ZRANB3: variants seen among roughly 807,000 people sequenced by gnomAD.
ZRANB3 encodes the protein DNA annealing helicase and endonuclease ZRANB3.
In ZRANB3, 125 loss-of-function variants were observed where a neutral mutation model predicts 133.8. That is an observed-to-expected ratio of 0.93 (90% CI 0.81 to 1.08). The LOEUF (loss-of-function observed/expected upper bound fraction) is 1.08, where lower values mean the gene tolerates loss of function less well. Ranked by LOEUF, ZRANB3 falls within the 50% of genes least tolerant of loss-of-function variation. The probability of loss-of-function intolerance (pLI) is 0.00; values close to 1 mark genes in which losing one functional copy is unlikely to be tolerated. For missense variants in ZRANB3, 1,229 were observed against 1,275.5 expected (o/e 0.96, Z 0.56); for synonymous variants, 387 against 432.7 (o/e 0.89, Z 1.31).
intron 14 of ZRANB3, among the ~76,000 whole-genome samples, chr2:135,226,139 CT>C (rs1694753309): frequency 6.6e-6 from 1 of 152,194 alleles, no homozygotes; most frequent in African/African-American, 2.4e-5. Context: ...ATAAAAATAA[CT>C]GTAACAACAA....
chr2:135,297,775 T>A (rs1174076200), intron 8 of ZRANB3, among the ~76,000 whole-genome samples: 1 of 152,254 alleles, frequency 6.6e-6, no homozygotes, highest in Non-Finnish European at 1.5e-5. Context: ...GTCTTCGATC[T>A]CTGAAGTTCT....
At chr2:135,494,527 A>G (rs1425505389) in intron 2 of ZRANB3, among the ~76,000 whole-genome samples, 4 of 152,166 alleles carry the variant, frequency 2.6e-5, no homozygotes, top group East Asian at 1.9e-4. Flanking sequence ...AAAATCAGAG[A>G]AGGAGCAGCA....
At chr2:135,273,826 C>G (rs544912433) in intron 9 of ZRANB3, among the ~76,000 whole-genome samples, 2 of 152,154 alleles carry the variant, frequency 1.3e-5, no homozygotes, top group East Asian at 3.9e-4. Context: ...TGTGAGCCAC[C>G]GCACCTGGCC....
intron 8 of ZRANB3, among the ~76,000 whole-genome samples, chr2:135,288,873 CGTGTGTGTGTGTGTGT>C (rs57200280): frequency 1.1e-4 from 16 of 141,294 alleles, no homozygotes; most frequent in African/African-American, 3.4e-4. Context: ...CTTCATTTAT[CGTGTGTGTGTGTGTGT>C]GTGTGTGTGT....
At position 135,494,323 on chromosome 2, in the gene ZRANB3, AG is replaced by A. The variant is rs772572632; in HGVS notation, c.161+10005del. Among the ~76,000 whole-genome samples, 348 of 150,188 alleles carry A rather than the reference AG, an allele frequency of 2.3e-3. 3 individuals carry two copies. Among genetic ancestry groups the A allele is most frequent in the African/African-American group, 7.9e-3 (325 of 40,978 alleles). The stretch of plus-strand genomic sequence containing the variant: ...ACTCCGTCTCAAAAAAAAAAAAAAA[AG>A]AAAAGAAAAAAGAAGGAAGGAAGGA... On this transcript the variant is annotated intron_variant, in intron 2 of 20. Transcript: ENST00000264159.
intron 1 of ZRANB3, among the ~76,000 whole-genome samples, chr2:135,514,455 T>C (rs952740124): frequency 2.6e-5 from 4 of 152,232 alleles, no homozygotes; most frequent in Admixed American, 6.5e-5. Context: ...CTATTATTGG[T>C]GTATAAAAAT....
chr2:135,262,094 A>G (rs985900188), intron 12 of ZRANB3, among the ~76,000 whole-genome samples: 1 of 132,614 alleles, frequency 7.5e-6, no homozygotes, highest in Non-Finnish European at 1.5e-5. Flanking sequence ...TAGGAGGTGG[A>G]GGTTGCAGTG....
At chr2:135,254,476 C>G (rs539224419) in intron 12 of ZRANB3, among the ~76,000 whole-genome samples, 5 of 151,808 alleles carry the variant, frequency 3.3e-5, no homozygotes, top group Non-Finnish European at 5.9e-5. Flanking sequence ...GGCCAGGTGT[C>G]GTGGCTCACG....
chr2:135,422,948 T>C (rs536361777), intron 2 of ZRANB3, among the ~76,000 whole-genome samples: 4 of 152,322 alleles, frequency 2.6e-5, no homozygotes, highest in Non-Finnish European at 5.9e-5. Context: ...TTCTGGAGGC[T>C]AGAAATCTAA....
intron 2 of ZRANB3, among the ~76,000 whole-genome samples, chr2:135,391,432 T>A (rs926472308): frequency 6.6e-6 from 1 of 152,286 alleles, no homozygotes; most frequent in East Asian, 1.9e-4. Context: ...ACCACCCTCC[T>A]CATCCTTAAA....
intron 12 of ZRANB3, among the ~76,000 whole-genome samples, chr2:135,252,878 CTT>C (rs1361606633): frequency 6.6e-6 from 1 of 152,174 alleles, no homozygotes; most frequent in East Asian, 1.9e-4. Flanking sequence ...CCCTTCTACT[CTT>C]TTTGCACTGC....
intron 2 of ZRANB3, among the ~76,000 whole-genome samples, chr2:135,467,450 C>T (rs1488866958): frequency 6.6e-6 from 1 of 152,196 alleles, no homozygotes; most frequent in Non-Finnish European, 1.5e-5. Flanking sequence ...CTTTAATTTC[C>T]CAATACAAAC....
Position 135,298,477 on chromosome 2 carries a change from G to A in ZRANB3, c.966+15012C>T, listed in dbSNP as rs753749602. Among the ~76,000 whole-genome samples the A allele has an allele frequency of 1.7e-4, 26 of 151,924 alleles. 1 individual carries two copies. The highest frequency in any genetic ancestry group is 3.9e-4 in the East Asian group (2 of 5,184). On this transcript the variant is annotated intron_variant, in intron 8 of 20. Coordinates refer to ENST00000264159, the MANE Select transcript of ZRANB3 (RefSeq NM_032143.4). ...TCAGAGGAAAGATCTGGGGCTCAAG[G>A]GTTGCTGTTCAGATTCTTCTGTCTC...
At chr2:135,281,332 G>T (rs1480578520) in intron 8 of ZRANB3, among the ~76,000 whole-genome samples, 2 of 151,962 alleles carry the variant, frequency 1.3e-5, no homozygotes, top group Non-Finnish European at 2.9e-5. Context: ...TTCAGGTATC[G>T]CATGACCTTT....
intron 2 of ZRANB3, among the ~76,000 whole-genome samples, chr2:135,402,271 C>T (rs1244599187): frequency 1.3e-5 from 2 of 151,148 alleles, no homozygotes; most frequent in Non-Finnish European, 2.9e-5. Flanking sequence ...ATTGCATATA[C>T]ACGTGTTAGT....
intron 2 of ZRANB3, among the ~76,000 whole-genome samples, chr2:135,490,546 A>T (rs1336673641): frequency 6.6e-6 from 1 of 152,218 alleles, no homozygotes; most frequent in Non-Finnish European, 1.5e-5. Flanking sequence ...CACTGTTGGT[A>T]GGAATGTAAA....
intron 8 of ZRANB3, among the ~76,000 whole-genome samples, chr2:135,281,688 C>T (rs1681108497): frequency 6.6e-6 from 1 of 152,184 alleles, no homozygotes; most frequent in Non-Finnish European, 1.5e-5. Flanking sequence ...TAAAAAATAG[C>T]TTCACTGGGA....
intron 8 of ZRANB3, among the ~76,000 whole-genome samples, chr2:135,284,229 G>T (rs973570840): frequency 2.6e-5 from 4 of 152,184 alleles, no homozygotes; most frequent in African/African-American, 9.7e-5. Flanking sequence ...GCATAGGGTT[G>T]TGGTGAAAAT....
In ZRANB3 at chr2:135,519,203, C is replaced by CA. The variant is rs572546763; in HGVS notation, c.-8+11923dup. 8.1e-4 allele frequency among the ~76,000 whole-genome samples: 124 copies of CA among 152,220 alleles called. 1 individual carries two copies. Among genetic ancestry groups the CA allele is most frequent in the African/African-American group, 2.6e-3 (110 of 41,546 alleles). ...GAAATGTTCTCTATTTTGACTGTGT[C>CA]AATATCCTGGTTGTACTGTAGTTTT... On this transcript the variant is annotated intron_variant, in intron 1 of 20. Coordinates refer to ENST00000264159, the MANE Select transcript of ZRANB3 (RefSeq NM_032143.4).
Sources: gnomAD v4.1 joint callset for allele counts (sites outside exome capture counted in the v4.1 genomes callset) on GRCh38, gnomAD v4.1.1 for gene constraint, MANE v1.5 for transcripts, NCBI Gene and HGNC (gene_info 2026-07-23, HGNC 2026-07-21) for gene names.